The following LEKR1 variants were observed in gnomAD, a reference collection of about 807,000 sequenced individuals.
LEKR1 encodes the protein leucine, glutamate and lysine rich 1.
Under a neutral mutation model 72.4 loss-of-function variants are expected in LEKR1, and 59 were observed. The observed-to-expected ratio is 0.82, with a 90% CI of 0.66 to 1.01. The LOEUF (loss-of-function observed/expected upper bound fraction) is 1.01. Among genes scored for constraint, LEKR1 ranks in the 50% least tolerant of loss-of-function variants. The pLI is 0.00. For synonymous variants in LEKR1, 257 were observed against 263.2 expected, an observed-to-expected ratio of 0.98 and a Z score of 0.23; for missense variants, 728 against 759.2, an observed-to-expected ratio of 0.96 and a Z score of 0.48.
intron 6 of LEKR1, among the ~76,000 whole-genome samples, chr3:156,962,984 C>T (rs959315773): frequency 6.6e-6 from 1 of 152,134 alleles, no homozygotes; most frequent in African/African-American, 2.4e-5. Context: ...AATTCTATGG[C>T]TTCTGATCTT....
chr3:156,953,290 A>G (rs1241566613), intron 6 of LEKR1, among the ~76,000 whole-genome samples: 1 of 151,522 alleles, frequency 6.6e-6, no homozygotes, highest in Non-Finnish European at 1.5e-5. Flanking sequence ...ATTGTACACT[A>G]GTTTAGTGCA....
chr3:156,979,532 C>G (rs530212109), intron 7 of LEKR1: 4 of 195,342 alleles, frequency 2.0e-5, no homozygotes, highest in Non-Finnish European at 4.3e-5. Flanking sequence ...AAGAAACTTA[C>G]TTATCCATAT....
chr3:156,965,036 T>C (rs140063155), intron 6 of LEKR1, among the ~76,000 whole-genome samples: 3 of 152,276 alleles, frequency 2.0e-5, no homozygotes, highest in African/African-American at 4.8e-5. Context: ...AAAATCTCAT[T>C]ATAACTTATA....
intron 4 of LEKR1, among the ~76,000 whole-genome samples, chr3:156,927,220 ATGAGT>A (rs1341667850): frequency 6.6e-6 from 1 of 151,916 alleles, no homozygotes; most frequent in Non-Finnish European, 1.5e-5. Context: ...CAAAATGGAA[ATGAGT>A]TAGAGTGACC....
chr3:156,870,632 C>A (rs1323371560), intron 3 of LEKR1, among the ~76,000 whole-genome samples: 1 of 151,936 alleles, frequency 6.6e-6, no homozygotes, highest in African/African-American at 2.4e-5. Context: ...GCAAAGAGGA[C>A]AATTTGACTC....
intron 6 of LEKR1, among the ~76,000 whole-genome samples, chr3:156,961,226 T>G (rs905362535): frequency 1.3e-4 from 20 of 152,372 alleles, no homozygotes; most frequent in African/African-American, 4.6e-4. Context: ...TGATTTTGCA[T>G]ATAACATTTT....
chr3:157,042,241 G>A (rs1419247847), intron 12 of LEKR1, among the ~76,000 whole-genome samples: 1 of 152,140 alleles, frequency 6.6e-6, no homozygotes, highest in Non-Finnish European at 1.5e-5. Context: ...GGGTCCTCCT[G>A]GTTTGGGAAC....
intron 3 of LEKR1, among the ~76,000 whole-genome samples, chr3:156,914,296 A>G (rs1026303150): frequency 6.6e-6 from 1 of 151,146 alleles, no homozygotes; most frequent in African/African-American, 2.5e-5. Flanking sequence ...TATTTCTCCT[A>G]ATGCTATCCC....
chr3:156,832,013 C>A (rs1712478289), intron 2 of LEKR1, among the ~76,000 whole-genome samples: 1 of 152,192 alleles, frequency 6.6e-6, no homozygotes, highest in Non-Finnish European at 1.5e-5. Flanking sequence ...GCCACTGTAA[C>A]TTCTTCCTGC....
intron 12 of LEKR1, among the ~76,000 whole-genome samples, chr3:157,032,678 G>T (rs184959104): frequency 3.9e-5 from 6 of 152,296 alleles, no homozygotes; most frequent in Non-Finnish European, 7.4e-5. Flanking sequence ...GAGGATTGGG[G>T]ATGGGAGGAT....
intron 12 of LEKR1, among the ~76,000 whole-genome samples, chr3:157,040,027 C>G (rs1478548162): frequency 6.6e-6 from 1 of 151,908 alleles, no homozygotes; most frequent in Admixed American, 6.6e-5. Flanking sequence ...GCTTGGTTGG[C>G]AGGGAGGATG....
intron 3 of LEKR1, among the ~76,000 whole-genome samples, chr3:156,902,864 TTTAA>T (rs1722166496): frequency 6.6e-6 from 1 of 152,028 alleles, no homozygotes; most frequent in Non-Finnish European, 1.5e-5. Context: ...TTTAAGAACA[TTTAA>T]TTATACAGTT....
intron 9 of LEKR1, among the ~76,000 whole-genome samples, chr3:157,008,054 C>T (rs1405951710): frequency 6.6e-6 from 1 of 152,188 alleles, no homozygotes; most frequent in East Asian, 1.9e-4. Context: ...CTCACTTTTG[C>T]TCTCCTCATT....
chr3:156,844,462 T>C (rs1163203635), intron 2 of LEKR1, among the ~76,000 whole-genome samples: 1 of 152,148 alleles, frequency 6.6e-6, no homozygotes, highest in African/African-American at 2.4e-5. Flanking sequence ...AACACTTTCA[T>C]CACAACAAGG....
chr3:156,838,101 C>T lies in LEKR1; in HGVS notation c.48+8724C>T, dbSNP rs993048504. Reference sequence around the variant, plus strand: ...AAGTATTGACCTGGCAAGGCTTAAACTTGCCTCTGTTGGCCCGTGTTGTCT... The same window carrying T: ...AAGTATTGACCTGGCAAGGCTTAAATTTGCCTCTGTTGGCCCGTGTTGTCT... On this transcript the variant is annotated intron_variant, in intron 2 of 12. Transcript: ENST00000356539. Among the ~76,000 whole-genome samples the T allele has an allele frequency of 3.9e-5, 6 of 152,210 alleles. No individual in the cohort carries two copies. In the East Asian group the frequency reaches 1.2e-3, roughly 29 times the overall value.
chr3:157,004,301 C>T (rs867057854), intron 9 of LEKR1, among the ~76,000 whole-genome samples: 1 of 152,092 alleles, frequency 6.6e-6, no homozygotes, highest in African/African-American at 2.4e-5. Flanking sequence ...ATTTGCACAT[C>T]TAATAACAGA....
At chr3:156,886,877 A>ATAGT (rs1720154122) in intron 3 of LEKR1, among the ~76,000 whole-genome samples, 1 of 152,172 alleles carries the variant, frequency 6.6e-6, no homozygotes, top group Non-Finnish European at 1.5e-5. Flanking sequence ...TTTTAATCAT[A>ATAGT]TAGTTAATCT....
chr3:156,928,759 T>A (rs1724954374), intron 5 of LEKR1, among the ~76,000 whole-genome samples: 1 of 152,034 alleles, frequency 6.6e-6, no homozygotes, highest in Non-Finnish European at 1.5e-5. Context: ...AAATAGTCCA[T>A]CTGAAACTAA....
chr3:156,865,754 C>T (rs1717240099), intron 3 of LEKR1, among the ~76,000 whole-genome samples: 1 of 151,994 alleles, frequency 6.6e-6, no homozygotes. Context: ...GTCTGGGTGA[C>T]CTCTCACCCT....
Sources: allele counts gnomAD v4.1 joint callset (sites outside exome capture counted in the v4.1 genomes callset), GRCh38; gene constraint gnomAD v4.1.1; transcripts MANE v1.5; gene names NCBI Gene and HGNC (gene_info 2026-07-23, HGNC 2026-07-21).